Variants in GALNT10 observed in about 807,000 individuals in gnomAD.
GALNT10 encodes the protein polypeptide N-acetylgalactosaminyltransferase 10.
A neutral mutation model predicts 75.0 loss-of-function variants in GALNT10; 41 were observed. The observed-to-expected ratio is 0.55, with a 90% CI of 0.43 to 0.71. GALNT10 has a LOEUF of 0.71. GALNT10 is among the 30% of genes least tolerant of loss of function. GALNT10 has a pLI of 0.00. For synonymous variants in GALNT10, 302 were observed against 313.0 expected (o/e 0.96, Z 0.37); for missense variants, 727 against 818.5 (o/e 0.89, Z 1.36).
chr5:154,414,984 G>A (rs1413371737), intron 10 of GALNT10, among the ~76,000 whole-genome samples: 8 of 152,064 alleles, frequency 5.3e-5, no homozygotes, highest in East Asian at 1.9e-4. Context: ...TTAGCCAGGC[G>A]TGGTGGCACA....
chr5:154,265,904 T>TTAA (rs1554096271), intron 1 of GALNT10, among the ~76,000 whole-genome samples: 4 of 149,514 alleles, frequency 2.7e-5, no homozygotes, highest in African/African-American at 9.8e-5. Context: ...TCAATCTCAT[T>TTAA]AAAAAAAAAA....
At chr5:154,237,115 G>C (rs1753260276) in intron 1 of GALNT10, among the ~76,000 whole-genome samples, 1 of 152,230 alleles carries the variant, frequency 6.6e-6, no homozygotes, top group African/African-American at 2.4e-5. Context: ...GTAGCAGAGA[G>C]TTTGGGATCT....
chr5:154,298,805 G>A lies in GALNT10; in HGVS notation c.401+726G>A, dbSNP rs1001712243. Among the ~76,000 whole-genome samples, 7 of 152,174 alleles carry A rather than the reference G, an allele frequency of 4.6e-5. No individual in the cohort carries two copies. Among genetic ancestry groups the A allele is most frequent in the African/African-American group, 1.4e-4 (6 of 41,450 alleles). On this transcript the variant is annotated intron_variant, in intron 3 of 11. Transcript: ENST00000297107. The surrounding 1 kb of genome is among the most constrained non-coding windows in gnomAD (Gnocchi z 4.1). ...GTGATGATGGTGATTTTCTGGTAGA[G>A]CCGTTCTTAAATTTGAGGTGCGTTA...
chr5:154,367,952 T>G (rs1345028241), intron 4 of GALNT10, among the ~76,000 whole-genome samples: 2 of 152,160 alleles, frequency 1.3e-5, no homozygotes, highest in Non-Finnish European at 2.9e-5. Context: ...GGGATTCTGG[T>G]TTTGATCATT....
At chr5:154,312,995 T>C (rs1014235273) in intron 3 of GALNT10, among the ~76,000 whole-genome samples, 2 of 152,216 alleles carry the variant, frequency 1.3e-5, no homozygotes, top group Non-Finnish European at 2.9e-5. Context: ...GTGAAGAAAC[T>C]GTCACTAGAT....
intron 3 of GALNT10, among the ~76,000 whole-genome samples, chr5:154,320,081 A>G (rs1754651163): frequency 6.6e-6 from 1 of 152,204 alleles, no homozygotes; most frequent in African/African-American, 2.4e-5. Context: ...AAGAACCTCT[A>G]CTAAGCTGGG....
At chr5:154,196,724 C>T (rs765528247) in intron 1 of GALNT10, among the ~76,000 whole-genome samples, 3 of 152,248 alleles carry the variant, frequency 2.0e-5, no homozygotes, top group Middle Eastern at 3.4e-3. Flanking sequence ...TAGGTCTTAC[C>T]GGTCTACTTT....
chr5:154,338,016 G>A lies in GALNT10; in HGVS notation c.568+8278G>A, dbSNP rs955731972. 6 of 1,535,712 alleles carry A rather than the reference G, an allele frequency of 3.9e-6. No homozygotes were observed. The African/African-American group carries it at 8.2e-5, about 21-fold the overall frequency. ...CCTTTTCTTGCCACTGCCTCGATCA[G>A]TCATGATTGCAATCACTTCATTTTT... On this transcript the variant is annotated intron_variant, in intron 4 of 11. Coordinates refer to ENST00000297107, the MANE Select transcript of GALNT10 (RefSeq NM_198321.4).
At chr5:154,282,291 A>G (rs539353354) in intron 1 of GALNT10, among the ~76,000 whole-genome samples, 2 of 152,256 alleles carry the variant, frequency 1.3e-5, no homozygotes, top group African/African-American at 2.4e-5. Flanking sequence ...CCACCTCCCA[A>G]TACTGTTGCA....
At chr5:154,345,756 C>G (rs1755111918) in intron 4 of GALNT10, among the ~76,000 whole-genome samples, 1 of 150,986 alleles carries the variant, frequency 6.6e-6, no homozygotes, top group Non-Finnish European at 1.5e-5. Flanking sequence ...CCACCTCAGC[C>G]TCCTGAGTAG....
At chr5:154,232,008 A>G (rs1753158039) in intron 1 of GALNT10, among the ~76,000 whole-genome samples, 1 of 152,208 alleles carries the variant, frequency 6.6e-6, no homozygotes, top group Admixed American at 6.5e-5. Context: ...GCAGGCATGG[A>G]TGGCCCTCTG....
At chr5:154,372,796 G>A (rs1211857110) in intron 4 of GALNT10, among the ~76,000 whole-genome samples, 2 of 152,146 alleles carry the variant, frequency 1.3e-5, no homozygotes, top group African/African-American at 2.4e-5. Context: ...AGGCAGGCAT[G>A]AGACCAAATG....
chr5:154,272,723 G>A (rs1406821217), intron 1 of GALNT10, among the ~76,000 whole-genome samples: 1 of 152,322 alleles, frequency 6.6e-6, no homozygotes, highest in South Asian at 2.1e-4. Flanking sequence ...CTCTAGGCTT[G>A]TGGTGAAGAT....
chr5:154,240,277 T>TA (rs948389706), intron 1 of GALNT10, among the ~76,000 whole-genome samples: 9 of 152,226 alleles, frequency 5.9e-5, no homozygotes, highest in African/African-American at 2.2e-4. Flanking sequence ...CTCTCAGTCC[T>TA]AGTGTCCTCA....
chr5:154,399,571 G>A (rs1756115508), intron 7 of GALNT10, among the ~76,000 whole-genome samples: 1 of 152,154 alleles, frequency 6.6e-6, no homozygotes, highest in Non-Finnish European at 1.5e-5. Context: ...ATTGTTGCTA[G>A]GATTACTGGA....
chr5:154,396,302 A>C (rs957956157), intron 7 of GALNT10, among the ~76,000 whole-genome samples: 5 of 152,222 alleles, frequency 3.3e-5, no homozygotes, highest in Non-Finnish European at 7.3e-5. Context: ...CAGGGCAGAA[A>C]AGTGAATGCA....
intron 3 of GALNT10, among the ~76,000 whole-genome samples, chr5:154,319,645 G>A (rs949711863): frequency 1.3e-5 from 2 of 152,216 alleles, no homozygotes; most frequent in African/African-American, 4.8e-5. Context: ...TATATTGCCT[G>A]GCCCACAGTG....
chr5:154,264,674 C>A (rs918448766), intron 1 of GALNT10, among the ~76,000 whole-genome samples: 14 of 152,136 alleles, frequency 9.2e-5, no homozygotes, highest in Non-Finnish European at 1.6e-4. Context: ...TTTTACAAGA[C>A]AATGAGGTGG....
intron 1 of GALNT10, among the ~76,000 whole-genome samples, chr5:154,198,092 T>C (rs541261922): frequency 2.0e-5 from 3 of 152,272 alleles, no homozygotes; most frequent in Admixed American, 2.0e-4. Context: ...GGTGGTGGTG[T>C]GTGCTGGAAG....
Sources: allele counts gnomAD v4.1 joint callset (sites outside exome capture counted in the v4.1 genomes callset), GRCh38; gene constraint gnomAD v4.1.1; non-coding constraint Gnocchi (gnomAD v3.1); transcripts MANE v1.5; gene names NCBI Gene and HGNC (gene_info 2026-07-23, HGNC 2026-07-21).